The following PCDH15 variants were observed in gnomAD, a reference collection of about 807,000 sequenced individuals.
The protein encoded by PCDH15 is protocadherin related 15, also known as protocadherin-15.
PCDH15 carries 129 observed loss-of-function variants against 178.5 expected under a neutral mutation model. The ratio of observed to expected loss-of-function variants is 0.72; its 90% CI spans 0.63 to 0.84. The LOEUF (loss-of-function observed/expected upper bound fraction) is 0.84. PCDH15 is among the 40% of genes least tolerant of loss of function. PCDH15 has a pLI of 0.00. For missense variants in PCDH15, 2,230 were observed against 2,099.9 expected (o/e 1.06, Z -1.21); for synonymous variants, 800 against 732.0 (o/e 1.09, Z -1.50).
At chr10:54,294,453 T>G (rs1190163047) in intron 8 of PCDH15, among the ~76,000 whole-genome samples, 1 of 152,102 alleles carries the variant, frequency 6.6e-6, no homozygotes, top group African/African-American at 2.4e-5. Context: ...CCCTAGAACT[T>G]AAAGTATAAA....
At chr10:54,527,476 G>A (rs998205748) in intron 3 of PCDH15, among the ~76,000 whole-genome samples, 1 of 152,086 alleles carries the variant, frequency 6.6e-6, no homozygotes, top group Non-Finnish European at 1.5e-5. Context: ...CCACTTCTTT[G>A]GAGGAATACG....
chr10:54,830,531 C>T (rs1428601529), intron 3 of PCDH15, among the ~76,000 whole-genome samples: 2 of 147,554 alleles, frequency 1.4e-5, no homozygotes, highest in Non-Finnish European at 3.0e-5. Context: ...GGGAATTGAA[C>T]AATGAGAACA....
At chr10:55,619,372 T>C (rs535238262) in intron 2 of PCDH15, among the ~76,000 whole-genome samples, 39 of 152,110 alleles carry the variant, frequency 2.6e-4, no homozygotes, top group Middle Eastern at 6.8e-3. Flanking sequence ...GAGGTAACTT[T>C]AGTAACGTCA....
intron 2 of PCDH15, among the ~76,000 whole-genome samples, chr10:55,384,262 T>C (rs1165947020): frequency 6.6e-6 from 1 of 152,122 alleles, no homozygotes; most frequent in Non-Finnish European, 1.5e-5. Flanking sequence ...TGAAGAAAAA[T>C]TGTTCACAAA....
intron 29 of PCDH15, among the ~76,000 whole-genome samples, chr10:53,836,149 C>A (rs760300460): frequency 1.5e-4 from 23 of 152,088 alleles, no homozygotes; most frequent in Admixed American, 2.6e-4. Context: ...GGTGTAAGAT[C>A]TTGCACCAAT....
intron 25 of PCDH15, among the ~76,000 whole-genome samples, chr10:53,927,097 ATAACT>A (rs544263214): frequency 9.9e-4 from 151 of 152,222 alleles, no homozygotes; most frequent in African/African-American, 3.3e-3. Flanking sequence ...AAGTGAAATA[ATAACT>A]TAAAAAGTAC....
At chr10:55,187,231 CCAAA>C (rs1173494145) in intron 1 of PCDH15, among the ~76,000 whole-genome samples, 3 of 151,732 alleles carry the variant, frequency 2.0e-5, no homozygotes, top group Admixed American at 1.3e-4. Flanking sequence ...TTTCCAAGTC[CCAAA>C]CAAATACTAT....
chr10:54,865,900 C>A (rs185335164), intron 3 of PCDH15, among the ~76,000 whole-genome samples: 3 of 152,118 alleles, frequency 2.0e-5, no homozygotes, highest in Non-Finnish European at 4.4e-5. Flanking sequence ...ATGTATACTT[C>A]AGTGATCAAG....
At chr10:54,319,726 T>TTG (rs1554897993) in intron 7 of PCDH15, among the ~76,000 whole-genome samples, 2 of 152,188 alleles carry the variant, frequency 1.3e-5, no homozygotes, top group African/African-American at 4.8e-5. Context: ...TTTTTTTTTT[T>TTG]TTGTTCATAA....
At chr10:55,227,750 T>C (rs1484211665) in intron 1 of PCDH15, among the ~76,000 whole-genome samples, 3 of 152,086 alleles carry the variant, frequency 2.0e-5, no homozygotes, top group Non-Finnish European at 2.9e-5. Flanking sequence ...ATTAACAGAA[T>C]TATAATAATG....
In PCDH15 at chr10:55,214,194, A is replaced by G. The variant is rs80234046; in HGVS notation, c.-155-47543T>C. ...ATGTCATCAACTTTTATAAAACAGT[A>G]CTTGGAAAGCAAAGGTGTGTTTTCC... On this transcript the variant is annotated intron_variant, in intron 1 of 5. Transcript: ENST00000458638. Among the ~76,000 whole-genome samples, 220 of 152,192 alleles carry G rather than the reference A, an allele frequency of 1.4e-3. 5 individuals carry two copies. In the East Asian group the frequency reaches 0.032, roughly 22 times the overall value.
intron 2 of PCDH15, among the ~76,000 whole-genome samples, chr10:54,953,952 T>A (rs1838411359): frequency 6.6e-6 from 1 of 151,292 alleles, no homozygotes; most frequent in African/African-American, 2.4e-5. Flanking sequence ...TTGATAGGAT[T>A]TTTTTCTGGT....
chr10:55,442,649 G>T (rs1335285624), intron 2 of PCDH15, among the ~76,000 whole-genome samples: 11 of 150,104 alleles, frequency 7.3e-5, no homozygotes, highest in African/African-American at 2.2e-4. Flanking sequence ...AATTAATTAA[G>T]CCAAAAAAAA....
chr10:55,236,462 A>G (rs1841389094), intron 1 of PCDH15, among the ~76,000 whole-genome samples: 1 of 152,068 alleles, frequency 6.6e-6, no homozygotes, highest in Non-Finnish European at 1.5e-5. Context: ...TTGCTCAGTT[A>G]ATGAGGTGAG....
intron 2 of PCDH15, among the ~76,000 whole-genome samples, chr10:55,625,559 G>A (rs765616448): frequency 4.6e-5 from 7 of 152,076 alleles, no homozygotes; most frequent in Non-Finnish European, 8.8e-5. Context: ...AGCATCTTCA[G>A]GCACTAAACT....
chr10:55,150,410 G>A (rs1370064187), intron 2 of PCDH15, among the ~76,000 whole-genome samples: 1 of 152,080 alleles, frequency 6.6e-6, no homozygotes, highest in African/African-American at 2.4e-5. Context: ...TCAAAATAAA[G>A]AGTAATTGAA....
intron 1 of PCDH15, among the ~76,000 whole-genome samples, chr10:54,798,511 A>G (rs1330602999): frequency 6.6e-6 from 1 of 152,126 alleles, no homozygotes; most frequent in African/African-American, 2.4e-5. Context: ...TGTGAAAACC[A>G]CAGATACATA....
intron 1 of PCDH15, among the ~76,000 whole-genome samples, chr10:55,229,221 T>C (rs1841143447): frequency 1.3e-5 from 2 of 151,854 alleles, no homozygotes; most frequent in Admixed American, 6.6e-5. Context: ...GAGTAAAAGA[T>C]AATAAAATGT....
At chr10:53,946,217 T>G (rs2086560566) in intron 23 of PCDH15, among the ~76,000 whole-genome samples, 2 of 152,168 alleles carry the variant, frequency 1.3e-5, no homozygotes, top group African/African-American at 4.8e-5. Flanking sequence ...CAGGCACTGG[T>G]AATACTGCAG....
Sources: allele counts gnomAD v4.1 joint callset (sites outside exome capture counted in the v4.1 genomes callset), GRCh38; gene constraint gnomAD v4.1.1; transcripts MANE v1.5; gene names NCBI Gene and HGNC (gene_info 2026-07-23, HGNC 2026-07-21).